Variants in AMY2B observed in about 807,000 individuals in gnomAD.
AMY2B encodes amylase alpha 2B, also known as alpha-amylase 2B.
AMY2B carries 63 observed loss-of-function variants against 59.3 expected under a neutral mutation model. The observed-to-expected ratio is 1.06, with a 90% CI of 0.87 to 1.31. The LOEUF is 1.31. Ranked by LOEUF, AMY2B falls within the 50% of genes most tolerant of loss-of-function variation. The probability of loss-of-function intolerance (pLI) is 0.00; values close to 1 mark genes in which losing one functional copy is unlikely to be tolerated. For missense variants in AMY2B, 635 were observed against 626.7 expected, an observed-to-expected ratio of 1.01 and a Z score of -0.14; for synonymous variants, 180 against 198.1, an observed-to-expected ratio of 0.91 and a Z score of 0.77.
At chr1:103,577,208 A>G (rs557990664) in intron 7 of AMY2B, among the ~76,000 whole-genome samples, 2 of 152,330 alleles carry the variant, frequency 1.3e-5, no homozygotes, top group East Asian at 3.9e-4. Context: ...ACTGTACTCC[A>G]GCCTGGGTGA....
At chr1:103,566,451 TTCTG>T (rs1651915452) in intron 2 of AMY2B, among the ~76,000 whole-genome samples, 1 of 152,182 alleles carries the variant, frequency 6.6e-6, no homozygotes, top group African/African-American at 2.4e-5. Flanking sequence ...TAATGGTAAA[TTCTG>T]TTTAGCCTAA....
At chr1:103,555,126 A>C (rs1300181313) in intron 1 of AMY2B, 1 of 152,068 alleles carries the variant, frequency 6.6e-6, no homozygotes, top group Non-Finnish European at 1.5e-5. Context: ...AACAGCTTTG[A>C]AAGTGTATTT....
In AMY2B at chr1:103,574,171, A is replaced by G; in HGVS notation, c.745-89A>G. The G allele has an allele frequency of 1.9e-6, 3 of 1,562,256 alleles. No individual in the cohort carries two copies. The South Asian group carries it at 3.6e-5, about 19-fold the overall frequency. Reference sequence around the variant, plus strand: ...TTTATTAATAAATAACAAATAGCTTAAAGCTATCTTTTATATAATATTAAC... The same window carrying G: ...TTTATTAATAAATAACAAATAGCTTGAAGCTATCTTTTATATAATATTAAC... On this transcript the variant is annotated intron_variant, in intron 4 of 9. Coordinates refer to ENST00000684275, the MANE Select transcript of AMY2B (RefSeq NM_001387437.1).
At chr1:103,564,362 C>G (rs2101064697) in intron 1 of AMY2B, among the ~76,000 whole-genome samples, 1 of 152,140 alleles carries the variant, frequency 6.6e-6, no homozygotes, top group South Asian at 2.1e-4. Context: ...CTCTTTACAC[C>G]ATCAGCCCTG....
intron 2 of AMY2B, among the ~76,000 whole-genome samples, chr1:103,565,946 A>G (rs750411695): frequency 6.6e-6 from 1 of 152,130 alleles, no homozygotes; most frequent in African/African-American, 2.4e-5. Flanking sequence ...TTTCCTGTTT[A>G]AAACAACCAA....
At position 103,575,440 on chromosome 1, in the gene AMY2B, G is replaced by A; in HGVS notation, c.1002-1G>A. Reference sequence around the variant, plus strand: ...TGATAATATAATTATGTAACTTTCAGGCTGTATAAAATGGCAGTTGGATTT... The same window carrying A: ...TGATAATATAATTATGTAACTTTCAAGCTGTATAAAATGGCAGTTGGATTT... On this transcript the variant is annotated splice_acceptor_variant, in intron 6 of 9. Coordinates refer to ENST00000684275, the MANE Select transcript of AMY2B (RefSeq NM_001387437.1). LOFTEE classifies it high-confidence loss of function. 6.2e-7 allele frequency: 1 copy of A among 1,613,424 alleles called. No homozygotes were observed. Among genetic ancestry groups the A allele is most frequent in the Non-Finnish European group, 8.5e-7 (1 of 1,179,674 alleles).
chr1:103,555,388 T>C (rs1371621024), intron 1 of AMY2B: 2 of 151,516 alleles, frequency 1.3e-5, no homozygotes, highest in African/African-American at 4.9e-5. Flanking sequence ...CACTTTCACA[T>C]TTTTTTTATT....
chr1:103,571,419 G>T, upstream of AMY2B: 1 of 1,333,212 alleles, frequency 7.5e-7, no homozygotes, highest in South Asian at 1.5e-5. Context: ...TCATTTAGAT[G>T]ATTTCCATGA....
At position 103,573,233 on chromosome 1, in the gene AMY2B, T is replaced by C; in HGVS notation, c.486T>C (p.Asp162=). ...NDGKCKTGSG[D]IENYNDATQV... is the part of the protein sequence containing the mutation. ...GTAAATGTAAAACTGGAAGTGGAGA[T>C]ATCGAGAACTACAATGATGCTACTC... Residue 162 remains aspartate, a synonymous_variant, in exon 3 of 10, where the codon GAT becomes GAC. Transcript: ENST00000684275. 6.2e-7 allele frequency: 1 copy of C among 1,613,648 alleles called. No individual in the cohort carries two copies. Among genetic ancestry groups the C allele is most frequent in the South Asian group, 1.1e-5 (1 of 91,076 alleles).
At chr1:103,558,684 G>A (rs558483820) in intron 1 of AMY2B, among the ~76,000 whole-genome samples, 49 of 150,928 alleles carry the variant, frequency 3.2e-4, no homozygotes, top group African/African-American at 1.1e-3. Context: ...GACCACTTAA[G>A]CTCAGGAATT....
upstream of AMY2B, chr1:103,571,193 C>G: frequency 1.3e-6 from 1 of 795,348 alleles, no homozygotes; most frequent in Non-Finnish European, 1.6e-6. Flanking sequence ...TGTTACTCGC[C>G]TTGAGTTGGA....
intron 1 of AMY2B, among the ~76,000 whole-genome samples, chr1:103,561,422 C>G (rs1028961543): frequency 4.9e-4 from 75 of 152,132 alleles, no homozygotes; most frequent in African/African-American, 1.8e-3. Context: ...TGCCAGATAC[C>G]ATGCCCAGCT....
At chr1:103,577,348 A>C (rs1209072831) in intron 7 of AMY2B, 142 bp from the exon 8 acceptor site, 1 of 1,474,400 alleles carries the variant, frequency 6.8e-7, no homozygotes, top group African/African-American at 1.4e-5. Flanking sequence ...AAGGGCTATA[A>C]AAATTATTGA....
rs1652315032 is a variant in AMY2B at position 103,575,465 on chromosome 1, T to G, written c.1026T>G (p.Phe342Leu). ...DARLYKMAVG[F>L]MLAHPYGFTR... The stretch of plus-strand genomic sequence containing the variant: ...GGCTGTATAAAATGGCAGTTGGATT[T>G]ATGCTTGCTCATCCTTATGGTTTTA... Residue 342 changes from phenylalanine to leucine, a missense_variant, in exon 7 of 10, where the codon TTT becomes TTG. Coordinates refer to ENST00000684275, the MANE Select transcript of AMY2B (RefSeq NM_001387437.1). 14 of 1,613,618 alleles carry G rather than the reference T, an allele frequency of 8.7e-6. No individual in the cohort carries two copies. Among genetic ancestry groups the G allele is most frequent in the African/African-American group, 1.3e-5 (1 of 74,910 alleles).
chr1:103,570,010 G>A, upstream of AMY2B: 1 of 442,316 alleles, frequency 2.3e-6, no homozygotes, highest in Non-Finnish European at 4.5e-6. Context: ...CATTGTCATG[G>A]GCTTTGGAGA....
upstream of AMY2B, chr1:103,570,273 G>T (rs1250979177): frequency 1.2e-5 from 7 of 561,170 alleles, no homozygotes; most frequent in African/African-American, 1.1e-4. Context: ...AGAGATATGA[G>T]CTGCCTGATG....
chr1:103,579,295 A>T lies in AMY2B; in HGVS notation c.1347-16A>T, dbSNP rs1375186950. 1 of 1,611,644 alleles carries T rather than the reference A, an allele frequency of 6.2e-7. No individual in the cohort carries two copies. The highest frequency in any genetic ancestry group is 1.7e-5 in the Admixed American group (1 of 60,004). ...TTTCAGTGTATTGAAGTTAAATCTG[A>T]AATTTTATTTTACAGGACATTTTCT... On this transcript the variant is annotated splice_polypyrimidine_tract_variant and intron_variant, in intron 9 of 9. Coordinates refer to ENST00000684275, the MANE Select transcript of AMY2B (RefSeq NM_001387437.1).
intron 1 of AMY2B, among the ~76,000 whole-genome samples, chr1:103,558,909 GA>G (rs1482235369): frequency 2.0e-5 from 3 of 150,316 alleles, no homozygotes; most frequent in Non-Finnish European, 4.5e-5. Context: ...AACATGTATT[GA>G]GTTTTTTTCG....
At position 103,574,067 on chromosome 1, in the gene AMY2B, T is replaced by C. The variant is rs936863682; in HGVS notation, c.744+129T>C. On this transcript the variant is annotated intron_variant, in intron 4 of 9. Transcript: ENST00000684275. ...TTATATAAAATGGTGTTCTTTAACC[T>C]CCTCTTCACATACAGCATATCTAAT... 18 of 1,535,540 alleles carry C rather than the reference T, an allele frequency of 1.2e-5. No individual in the cohort carries two copies. The Admixed American group carries it at 2.8e-4, about 24-fold the overall frequency.
Sources: allele counts gnomAD v4.1 joint callset (sites outside exome capture counted in the v4.1 genomes callset), GRCh38; gene constraint gnomAD v4.1.1; transcripts MANE v1.5; gene names NCBI Gene and HGNC (gene_info 2026-07-23, HGNC 2026-07-21).